Variants in KCNN2 observed in about 807,000 individuals in gnomAD.
The protein encoded by KCNN2 is small conductance calcium-activated potassium channel protein 2.
A neutral mutation model predicts 55.5 loss-of-function variants in KCNN2; 24 were observed. That is an observed-to-expected ratio of 0.43 (90% CI 0.31 to 0.61). The LOEUF (loss-of-function observed/expected upper bound fraction) is 0.61. Among genes scored for constraint, KCNN2 ranks in the 20% least tolerant of loss-of-function variants. KCNN2 has a pLI of 0.08. For missense variants in KCNN2, 754 were observed against 853.6 expected (o/e 0.88, Z 1.45); for synonymous variants, 431 against 336.1 (o/e 1.28, Z -3.09).
At chr5:114,221,771 C>T (rs531948969) in intron 2 of KCNN2, among the ~76,000 whole-genome samples, 2 of 152,246 alleles carry the variant, frequency 1.3e-5, no homozygotes, top group South Asian at 4.1e-4. Context: ...ATTAAGAAAA[C>T]ATAATAGGCA....
intron 6 of KCNN2, among the ~76,000 whole-genome samples, chr5:114,490,088 A>C (rs1335027988): frequency 1.3e-5 from 2 of 152,048 alleles, no homozygotes; most frequent in African/African-American, 2.4e-5. Context: ...AGTGTCGTGA[A>C]GTGTTCTCTT....
At chr5:114,141,736 C>T (rs946876214) in intron 1 of KCNN2, among the ~76,000 whole-genome samples, 2 of 152,202 alleles carry the variant, frequency 1.3e-5, no homozygotes, top group African/African-American at 4.8e-5. Context: ...AACTAGTTTA[C>T]ACTCCCACCA....
chr5:114,424,770 A>G (rs962388695), intron 3 of KCNN2, among the ~76,000 whole-genome samples: 6 of 152,222 alleles, frequency 3.9e-5, no homozygotes. Flanking sequence ...CCAGAGAGAA[A>G]GTTTGAAGAG....
chr5:114,470,081 C>T (rs1382283078), intron 4 of KCNN2, among the ~76,000 whole-genome samples: 5 of 152,126 alleles, frequency 3.3e-5, no homozygotes, highest in African/African-American at 1.2e-4. Flanking sequence ...ATTTTTAATG[C>T]ATGTCTTAGA....
At chr5:114,490,297 C>T (rs971807195) in intron 6 of KCNN2, among the ~76,000 whole-genome samples, 1 of 151,986 alleles carries the variant, frequency 6.6e-6, no homozygotes, top group Non-Finnish European at 1.5e-5. Flanking sequence ...AAAGATGTAC[C>T]CCCCCAAAAA....
chr5:114,134,458 G>GATTT (rs368773249), intron 1 of KCNN2, among the ~76,000 whole-genome samples: 25,440 of 136,662 alleles, frequency 0.19, 2,678 homozygotes, highest in African/African-American at 0.26. Flanking sequence ...ATCCAACCAT[G>GATTT]ATTTATTTAT....
intron 2 of KCNN2, among the ~76,000 whole-genome samples, chr5:114,344,802 A>G (rs552054917): frequency 1.0e-3 from 156 of 152,354 alleles, no homozygotes; most frequent in Non-Finnish European, 2.0e-3. Context: ...ACACATGAAG[A>G]AACTCAGATT....
intron 2 of KCNN2, among the ~76,000 whole-genome samples, chr5:114,278,678 G>A (rs1755545640): frequency 6.6e-6 from 1 of 152,216 alleles, no homozygotes; most frequent in Non-Finnish European, 1.5e-5. Flanking sequence ...GCCAAGCCAG[G>A]CACAGGAGGG....
intron 2 of KCNN2, among the ~76,000 whole-genome samples, chr5:114,234,177 A>T (rs1255435391): frequency 6.6e-6 from 1 of 152,154 alleles, no homozygotes; most frequent in African/African-American, 2.4e-5. Context: ...TTTTCTTCTG[A>T]ATCCTACTCT....
rs1050352120 is a variant in KCNN2, at chr5:114,391,242, G to T, written c.1219-13196G>T. On this transcript the variant is annotated intron_variant, in intron 2 of 7. Transcript: ENST00000673685. The stretch of plus-strand genomic sequence containing the variant: ...TGGCTAATTTTCCCATCTTTATATC[G>T]CAAGTTATTATTTAATTCATCTACT... Among the ~76,000 whole-genome samples, 5 of 151,878 alleles carry T rather than the reference G, an allele frequency of 3.3e-5. No homozygotes were observed. The South Asian group carries it at 6.2e-4, about 19-fold the overall frequency.
At chr5:114,396,844 C>T (rs969515394) in intron 2 of KCNN2, among the ~76,000 whole-genome samples, 5 of 152,190 alleles carry the variant, frequency 3.3e-5, no homozygotes, top group Admixed American at 3.3e-4. Flanking sequence ...CACGGTCAGC[C>T]TAGGTAGTCT....
intron 1 of KCNN2, among the ~76,000 whole-genome samples, chr5:114,165,214 G>A (rs1382304911): frequency 6.6e-6 from 1 of 152,054 alleles, no homozygotes; most frequent in Non-Finnish European, 1.5e-5. Flanking sequence ...TGTGCCTCTT[G>A]CTTCCCCTTT....
At chr5:114,372,693 A>G (rs1757799299) in intron 2 of KCNN2, among the ~76,000 whole-genome samples, 1 of 152,130 alleles carries the variant, frequency 6.6e-6, no homozygotes, top group South Asian at 2.1e-4. Flanking sequence ...CCACCCAGTG[A>G]TGACTATTAT....
chr5:114,256,996 G>A (rs1429161157), intron 2 of KCNN2, among the ~76,000 whole-genome samples: 1 of 152,058 alleles, frequency 6.6e-6, no homozygotes, highest in African/African-American at 2.4e-5. Flanking sequence ...ATAGTTTTAG[G>A]TCATACATTT....
intron 2 of KCNN2, among the ~76,000 whole-genome samples, chr5:114,374,791 C>T (rs1169690689): frequency 6.6e-6 from 1 of 152,142 alleles, no homozygotes; most frequent in Non-Finnish European, 1.5e-5. Context: ...ACCATTCTAA[C>T]AACTGATATT....
chr5:114,071,517 A>T (rs191545905), intron 1 of KCNN2, among the ~76,000 whole-genome samples: 1 of 152,226 alleles, frequency 6.6e-6, no homozygotes, highest in African/African-American at 2.4e-5. Context: ...AAGGAAGGCA[A>T]CTACAAGGGG....
rs191730029 is a variant in KCNN2, at chr5:114,058,992, C to T, written c.-271+2492C>T. ...CATGTTCCTCTTGCCAGGAAATGTC[C>T]CAGTGCCAGGCTGTGAAAGCCTGGA... On this transcript the variant is annotated intron_variant, in intron 1 of 10. Coordinates refer to the KCNN2 transcript ENST00000512097. 3.4e-3 allele frequency among the ~76,000 whole-genome samples: 513 copies of T among 152,156 alleles called. 1 individual carries two copies. The highest frequency in any genetic ancestry group is 0.012 in the African/African-American group (491 of 41,488).
chr5:114,473,380 A>G, intron 5 of KCNN2: 1 of 555,116 alleles, frequency 1.8e-6, no homozygotes, highest in East Asian at 3.0e-5. Flanking sequence ...TATTTGGATA[A>G]AGACGAGTCA....
chr5:114,446,222 C>T (rs1304712270), intron 3 of KCNN2, among the ~76,000 whole-genome samples: 2 of 152,064 alleles, frequency 1.3e-5, no homozygotes, highest in Non-Finnish European at 2.9e-5. Context: ...ATGACAGAAG[C>T]GCATAGAATA....
Sources: gnomAD v4.1 joint callset for allele counts (sites outside exome capture counted in the v4.1 genomes callset) on GRCh38, gnomAD v4.1.1 for gene constraint, MANE v1.5 for transcripts, NCBI Gene and HGNC (gene_info 2026-07-23, HGNC 2026-07-21) for gene names.